MARCHF1: variants seen among roughly 807,000 people sequenced by gnomAD.
The protein encoded by MARCHF1 is E3 ubiquitin-protein ligase MARCHF1.
MARCHF1 carries 40 observed loss-of-function variants against 54.2 expected under a neutral mutation model. That is an observed-to-expected ratio of 0.74 (90% CI 0.57 to 0.96). The LOEUF (loss-of-function observed/expected upper bound fraction) is 0.96, where lower values mean the gene tolerates loss of function less well. Ranked by LOEUF, MARCHF1 falls within the 40% of genes least tolerant of loss-of-function variation. The probability of loss-of-function intolerance (pLI) is 0.00; values close to 1 mark genes in which losing one functional copy is unlikely to be tolerated. For missense variants in MARCHF1, 586 were observed against 656.5 expected (o/e 0.89, Z 1.17); for synonymous variants, 236 against 236.3 (o/e 1.00, Z 0.01).
intron 2 of MARCHF1, among the ~76,000 whole-genome samples, chr4:164,107,145 C>T (rs1168898943): frequency 6.6e-6 from 1 of 152,126 alleles, no homozygotes; most frequent in Non-Finnish European, 1.5e-5. Context: ...CTCTCTCCAA[C>T]ACGTTTTATT....
intron 4 of MARCHF1, among the ~76,000 whole-genome samples, chr4:163,725,722 G>A (rs1745632738): frequency 1.3e-5 from 2 of 152,020 alleles, no homozygotes; most frequent in South Asian, 4.2e-4. Flanking sequence ...CTCTAGTGTT[G>A]GATCTATTAT....
chr4:163,964,576 T>C (rs1752405840), intron 3 of MARCHF1, among the ~76,000 whole-genome samples: 1 of 152,018 alleles, frequency 6.6e-6, no homozygotes. Flanking sequence ...TGGCTTAAGA[T>C]AATGCCAAAA....
intron 1 of MARCHF1, among the ~76,000 whole-genome samples, chr4:164,343,913 A>T (rs998661823): frequency 3.3e-5 from 5 of 152,212 alleles, no homozygotes; most frequent in Non-Finnish European, 7.3e-5. Flanking sequence ...TACCATAAAG[A>T]CACATACACA....
chr4:164,091,410 T>TA lies in MARCHF1; in HGVS notation c.-248+20177_-248+20178insT, dbSNP rs1755296908. On this transcript the variant is annotated intron_variant, in intron 2 of 9. Transcript: ENST00000514618. Reference sequence around the variant, plus strand: ...AACAGGGGATAATTTTCACCAAGTTTTATATATATATATATATATGTATAA... The same window carrying TA: ...AACAGGGGATAATTTTCACCAAGTTTATATATATATATATATATATGTATAA... Among the ~76,000 whole-genome samples, 390 of 136,918 alleles carry TA rather than the reference T, an allele frequency of 2.8e-3. 3 individuals are homozygous for TA. Among genetic ancestry groups the TA allele is most frequent in the African/African-American group, 0.01 (372 of 36,760 alleles). 89.8% of individuals were successfully genotyped at this position (136,918 alleles called of 152,430 possible).
intron 4 of MARCHF1, among the ~76,000 whole-genome samples, chr4:163,767,058 A>G (rs886946254): frequency 6.7e-6 from 1 of 149,024 alleles, no homozygotes; most frequent in African/African-American, 2.5e-5. Context: ...TCTTCAGTGT[A>G]CATGCTGCTG....
intron 5 of MARCHF1, among the ~76,000 whole-genome samples, chr4:163,646,510 A>C (rs967403415): frequency 1.8e-4 from 28 of 152,230 alleles, no homozygotes; most frequent in African/African-American, 4.8e-4. Context: ...GTGGTGTATA[A>C]ATTACTTATA....
intron 2 of MARCHF1, among the ~76,000 whole-genome samples, chr4:164,031,503 C>A (rs147916942): frequency 1.3e-4 from 19 of 151,454 alleles, no homozygotes; most frequent in African/African-American, 4.6e-4. Context: ...GAAATATGGT[C>A]CAGGAATAAC....
At chr4:163,911,732 T>G (rs1751193125) in intron 3 of MARCHF1, among the ~76,000 whole-genome samples, 1 of 152,172 alleles carries the variant, frequency 6.6e-6, no homozygotes, top group African/African-American at 2.4e-5. Flanking sequence ...GTCATATTTC[T>G]TCCTTCTCAT....
intron 3 of MARCHF1, among the ~76,000 whole-genome samples, chr4:163,916,927 A>G (rs1393248174): frequency 6.6e-6 from 1 of 152,176 alleles, no homozygotes; most frequent in Non-Finnish European, 1.5e-5. Flanking sequence ...TGACAAATGT[A>G]TAATGATATG....
At chr4:163,951,178 C>T (rs1752127618) in intron 3 of MARCHF1, among the ~76,000 whole-genome samples, 1 of 152,174 alleles carries the variant, frequency 6.6e-6, no homozygotes, top group Non-Finnish European at 1.5e-5. Context: ...AAAAGATTTA[C>T]TACATCTGGA....
intron 4 of MARCHF1, among the ~76,000 whole-genome samples, chr4:163,805,393 T>G (rs915551347): frequency 6.6e-6 from 1 of 151,376 alleles, no homozygotes; most frequent in Non-Finnish European, 1.5e-5. Context: ...TTCAACAAGT[T>G]TATAGTTGAT....
At chr4:164,249,199 T>C (rs532783010) in intron 1 of MARCHF1, among the ~76,000 whole-genome samples, 1 of 152,204 alleles carries the variant, frequency 6.6e-6, no homozygotes, top group South Asian at 2.1e-4. Context: ...GAAGAAGACA[T>C]GTAATTAAGG....
chr4:163,833,577 C>T (rs1181038659), intron 4 of MARCHF1, among the ~76,000 whole-genome samples: 1 of 152,096 alleles, frequency 6.6e-6, no homozygotes, highest in Non-Finnish European at 1.5e-5. Flanking sequence ...AGACACTTCT[C>T]AAAAGAAGAC....
intron 4 of MARCHF1, among the ~76,000 whole-genome samples, chr4:163,788,878 A>C (rs1747693646): frequency 6.6e-6 from 1 of 152,068 alleles, no homozygotes; most frequent in South Asian, 2.1e-4. Flanking sequence ...AATTGGTGGA[A>C]ACATGCTAGA....
intron 4 of MARCHF1, among the ~76,000 whole-genome samples, chr4:163,761,432 A>G (rs568464232): frequency 1.3e-5 from 2 of 152,174 alleles, no homozygotes; most frequent in Non-Finnish European, 2.9e-5. Context: ...GTGACCTTGA[A>G]GGCATTGGTG....
At position 163,580,260 on chromosome 4, in the gene MARCHF1, A is replaced by G. The variant is rs905737758; in HGVS notation, c.1191+5489T>C. On this transcript the variant is annotated intron_variant, in intron 8 of 9. Transcript: ENST00000514618. ...CACCCAGGTAATTTTTTGTATTTTT[A>G]GTAAAGATGGGGTTTCACCATGGTG... 6.6e-5 allele frequency among the ~76,000 whole-genome samples: 10 copies of G among 151,898 alleles called. No homozygotes were observed. In the South Asian group the frequency reaches 8.3e-4, roughly 13 times the overall value.
chr4:164,286,952 C>T (rs1734165857), intron 1 of MARCHF1, among the ~76,000 whole-genome samples: 1 of 149,858 alleles, frequency 6.7e-6, no homozygotes, highest in Non-Finnish European at 1.5e-5. Context: ...TCCTGGGTTT[C>T]AGTTCTCAAG....
intron 3 of MARCHF1, among the ~76,000 whole-genome samples, chr4:163,979,243 T>G (rs2110862053): frequency 9.4e-6 from 1 of 106,896 alleles, no homozygotes. Flanking sequence ...ATTGTTCAAT[T>G]CCCACCTATG....
chr4:163,714,725 C>T (rs1745207318), intron 4 of MARCHF1, among the ~76,000 whole-genome samples: 1 of 152,128 alleles, frequency 6.6e-6, no homozygotes. Flanking sequence ...GTCACCCAGG[C>T]TGAGTGCAGT....
Sources: allele counts gnomAD v4.1 joint callset (sites outside exome capture counted in the v4.1 genomes callset), GRCh38; gene constraint gnomAD v4.1.1; transcripts MANE v1.5; gene names NCBI Gene and HGNC (gene_info 2026-07-23, HGNC 2026-07-21).